The following SEMA4D variants were observed in gnomAD, a reference collection of about 807,000 sequenced individuals.
The protein encoded by SEMA4D is semaphorin 4D, also known as semaphorin-4D.
A neutral mutation model predicts 74.8 loss-of-function variants in SEMA4D; 22 were observed. That is an observed-to-expected ratio of 0.29 (90% CI 0.21 to 0.42). The LOEUF is 0.42. Ranked by LOEUF, SEMA4D falls within the 10% of genes least tolerant of loss-of-function variation. The pLI is 1.00. For missense variants in SEMA4D, 937 were observed against 1,118.4 expected (o/e 0.84, Z 2.31); for synonymous variants, 445 against 463.7 (o/e 0.96, Z 0.52).
rs954711791 is a variant in SEMA4D at position 89,393,641 on chromosome 9, A to G, written c.429T>C (p.Phe143=). ...PACDHLNLTS[F]KFLGKNEDGK... Reference sequence around the variant, plus strand: ...CATCTTCATTTTTCCCCAGAAACTTAAAGGATGTTAAGTTCTACAATTGAA... The same window carrying G: ...CATCTTCATTTTTCCCCAGAAACTTGAAGGATGTTAAGTTCTACAATTGAA... Residue 143 remains phenylalanine, a synonymous_variant, in exon 7 of 16, where the codon TTT becomes TTC. Transcript: ENST00000422704. 17 of 1,613,470 alleles carry G rather than the reference A, an allele frequency of 1.1e-5. No individual in the cohort carries two copies. The African/African-American group carries it at 2.0e-4, about 19-fold the overall frequency.
chr9:89,372,283 G>A (rs1164165470), downstream of SEMA4D, among the ~76,000 whole-genome samples: 4 of 109,332 alleles, frequency 3.7e-5, no homozygotes, highest in South Asian at 3.3e-4. Context: ...GGTGTGTGTC[G>A]GGGGTGTGTA....
At chr9:89,446,625 C>T (rs1047737424) in intron 2 of SEMA4D, among the ~76,000 whole-genome samples, 4 of 152,208 alleles carry the variant, frequency 2.6e-5, no homozygotes, top group Admixed American at 1.3e-4. Flanking sequence ...TCCAGGGCTC[C>T]GAGGCTCCCT....
intron 13 of SEMA4D, chr9:89,384,693 GGA>G: frequency 1.0e-6 from 1 of 985,430 alleles, no homozygotes; most frequent in Non-Finnish European, 1.2e-6. Context: ...TGTCATCAGG[GGA>G]GAGGAGGTGA....
intron 2 of SEMA4D, among the ~76,000 whole-genome samples, chr9:89,451,229 TAGG>T (rs1353860215): frequency 6.6e-6 from 1 of 152,178 alleles, no homozygotes; most frequent in African/African-American, 2.4e-5. Flanking sequence ...GCTTCAAAAT[TAGG>T]AGGATTATTT....
chr9:89,408,086 G>A (rs1843697046), intron 2 of SEMA4D, among the ~76,000 whole-genome samples: 1 of 152,202 alleles, frequency 6.6e-6, no homozygotes, highest in Admixed American at 6.5e-5. Flanking sequence ...TTGCCATAAT[G>A]GTGTCACTTT....
Position 89,393,546 on chromosome 9 carries a change from GA to G in SEMA4D, c.508+15del. The G allele has an allele frequency of 1.2e-6, 2 of 1,600,778 alleles. No homozygotes were observed. Among genetic ancestry groups the G allele is most frequent in the Non-Finnish European group, 8.6e-7 (1 of 1,167,928 alleles). ...TGTAATCTTCACGGTGAAGGAACTGGAGGGGCAGGACTCACCAACCATGACG... is the reference window on the plus strand; with the variant it reads ...TGTAATCTTCACGGTGAAGGAACTGGGGGGCAGGACTCACCAACCATGACG... On this transcript the variant is annotated intron_variant, in intron 7 of 15. Transcript: ENST00000422704.
intron 2 of SEMA4D, among the ~76,000 whole-genome samples, chr9:89,430,956 G>A (rs531384435): frequency 6.6e-6 from 1 of 152,288 alleles, no homozygotes; most frequent in South Asian, 2.1e-4. Flanking sequence ...CAGCCTGGGC[G>A]ACAGAGCGAG....
downstream of SEMA4D, among the ~76,000 whole-genome samples, chr9:89,373,283 G>A (rs150663922): frequency 0.014 from 2,124 of 152,202 alleles, 53 homozygotes; most frequent in African/African-American, 0.047. Flanking sequence ...GACCCACCCC[G>A]ATCCCCTTTC....
intron 2 of SEMA4D, chr9:89,418,276 G>T: frequency 1.4e-6 from 1 of 738,734 alleles, no homozygotes; most frequent in Non-Finnish European, 1.7e-6. Flanking sequence ...GCATGTGCTG[G>T]GGAAGACAGC....
intron 2 of SEMA4D, among the ~76,000 whole-genome samples, chr9:89,425,271 T>C (rs796961490): frequency 2.6e-5 from 4 of 152,340 alleles, no homozygotes; most frequent in African/African-American, 9.6e-5. Flanking sequence ...AAATCCTGGC[T>C]GTCCACTGTG....
At chr9:89,363,838 C>T (rs1347097085) in exon 17 of SEMA4D, 28 of 1,614,146 alleles carry the variant, frequency 1.7e-5, no homozygotes, top group Non-Finnish European at 1.9e-5. Context: ...TGGCGTCCTG[C>T]AGCCAGCTGA....
intron 13 of SEMA4D, chr9:89,385,865 T>TTGGGGGGGGGCG: frequency 9.4e-6 from 2 of 213,330 alleles, no homozygotes; most frequent in Non-Finnish European, 1.6e-5. Flanking sequence ...CCAGCGTGGA[T>TTGGGGGGGGGCG]GCCCGCCCAC....
chr9:89,383,868 C>A (rs887278330), intron 13 of SEMA4D, among the ~76,000 whole-genome samples: 1 of 152,192 alleles, frequency 6.6e-6, no homozygotes, highest in Non-Finnish European at 1.5e-5. Flanking sequence ...TGCCCCTCGA[C>A]GCCCCCTGTC....
intron 16 of SEMA4D, among the ~76,000 whole-genome samples, chr9:89,371,110 T>G (rs866094295): frequency 1.3e-3 from 7 of 5,232 alleles, no homozygotes; most frequent in Admixed American, 3.2e-3. Context: ...AAGGTGTGTG[T>G]GGGGGGGTGT....
chr9:89,384,301 C>T (rs75130520), intron 13 of SEMA4D, among the ~76,000 whole-genome samples: 1,944 of 152,268 alleles, frequency 0.013, 45 homozygotes, highest in African/African-American at 0.044. Context: ...TATTCACATA[C>T]GACAGAGGAG....
intron 16 of SEMA4D, chr9:89,369,606 T>C (rs1834223237): frequency 6.6e-6 from 1 of 152,282 alleles, no homozygotes; most frequent in African/African-American, 2.4e-5. Flanking sequence ...TCATCGCTAT[T>C]GATCCTTACG....
downstream of SEMA4D, among the ~76,000 whole-genome samples, chr9:89,375,598 C>T (rs761959057): frequency 4.6e-5 from 7 of 152,194 alleles, no homozygotes; most frequent in Non-Finnish European, 4.4e-5. Context: ...GTTTGCTTTT[C>T]CTCTTCATTA....
intron 2 of SEMA4D, among the ~76,000 whole-genome samples, chr9:89,422,404 G>C (rs1053086176): frequency 6.6e-6 from 1 of 152,216 alleles, no homozygotes; most frequent in African/African-American, 2.4e-5. Flanking sequence ...AGGACGGTTG[G>C]GGGGCCCTGC....
chr9:89,447,879 C>T (rs1381976217), intron 2 of SEMA4D, among the ~76,000 whole-genome samples: 1 of 152,242 alleles, frequency 6.6e-6, no homozygotes, highest in Non-Finnish European at 1.5e-5. Flanking sequence ...CGGTGCTCCT[C>T]CCCAGGCACA....
Sources: allele counts gnomAD v4.1 joint callset (sites outside exome capture counted in the v4.1 genomes callset), GRCh38; gene constraint gnomAD v4.1.1; transcripts MANE v1.5; gene names NCBI Gene and HGNC (gene_info 2026-07-23, HGNC 2026-07-21).